The following MAGI3 variants were observed in gnomAD, a reference collection of about 807,000 sequenced individuals.
MAGI3 encodes membrane-associated guanylate kinase, WW and PDZ domain-containing protein 3.
MAGI3 carries 43 observed loss-of-function variants against 121.8 expected under a neutral mutation model. That is an observed-to-expected ratio of 0.35 (90% CI 0.28 to 0.46). The LOEUF (loss-of-function observed/expected upper bound fraction) is 0.46. Ranked by LOEUF, MAGI3 falls within the 20% of genes least tolerant of loss-of-function variation. MAGI3 has a pLI of 1.00. For missense variants in MAGI3, 1,547 were observed against 1,797.3 expected, an observed-to-expected ratio of 0.86 and a Z score of 2.52; for synonymous variants, 553 against 639.3, an observed-to-expected ratio of 0.86 and a Z score of 2.04.
intron 1 of MAGI3, among the ~76,000 whole-genome samples, chr1:113,444,614 C>A (rs1204126934): frequency 6.6e-6 from 1 of 152,116 alleles, no homozygotes; most frequent in Non-Finnish European, 1.5e-5. Context: ...AACAACAAAA[C>A]CCAGCAAACC....
At chr1:113,481,419 ACCAGAGTTACTACATT>A (rs1656107037) in intron 1 of MAGI3, among the ~76,000 whole-genome samples, 1 of 152,216 alleles carries the variant, frequency 6.6e-6, no homozygotes, top group Non-Finnish European at 1.5e-5. Flanking sequence ...GATGAATTTC[ACCAGAGTTACTACATT>A]CAATTATGTT....
chr1:113,562,646 G>A (rs1204709381), intron 2 of MAGI3, among the ~76,000 whole-genome samples: 5 of 151,432 alleles, frequency 3.3e-5, no homozygotes, highest in Non-Finnish European at 7.4e-5. Context: ...GAGAACACAT[G>A]GACACATGGT....
In MAGI3 at chr1:113,646,537, A is replaced by G. The variant is rs758434053; in HGVS notation, c.2050A>G (p.Ile684Val). Residue 684 changes from isoleucine (I) to valine (V), a missense_variant, in exon 12 of 21, where the codon ATT becomes GTT. Transcript: ENST00000307546. Reference sequence around the variant, plus strand: ...AAGTTTGGAGGCCATAAATGAGCCTATTCCTCAGCCTATGCCTTTTCCACC... The same window carrying G: ...AAGTTTGGAGGCCATAAATGAGCCTGTTCCTCAGCCTATGCCTTTTCCACC... ...AGSLEAINEP[I>V]PQPMPFPPSI... 2 of 1,613,424 alleles carry G rather than the reference A, an allele frequency of 1.2e-6. No homozygotes were observed. The highest frequency in any genetic ancestry group is 1.7e-5 in the Admixed American group (1 of 59,932).
chr1:113,608,926 A>G (rs533947584), intron 6 of MAGI3, among the ~76,000 whole-genome samples: 2 of 152,312 alleles, frequency 1.3e-5, no homozygotes, highest in East Asian at 1.9e-4. Context: ...TGGACAGTAC[A>G]TTTTATGATC....
chr1:113,447,749 G>T (rs1336521802), intron 1 of MAGI3, among the ~76,000 whole-genome samples: 1 of 152,006 alleles, frequency 6.6e-6, no homozygotes. Context: ...AGCTACTTGG[G>T]AGGCAGAGAC....
chr1:113,576,095 A>G (rs1663119887), intron 2 of MAGI3, among the ~76,000 whole-genome samples: 1 of 152,138 alleles, frequency 6.6e-6, no homozygotes, highest in Non-Finnish European at 1.5e-5. Flanking sequence ...GGCACTGAGA[A>G]TTTCAAGCCA....
chr1:113,511,250 G>T (rs1570777826), intron 1 of MAGI3, among the ~76,000 whole-genome samples: 1 of 152,156 alleles, frequency 6.6e-6, no homozygotes, highest in African/African-American at 2.4e-5. Context: ...TGGTAATTTA[G>T]TTGTGGGTAG....
chr1:113,520,914 T>C (rs1206808800), intron 1 of MAGI3, among the ~76,000 whole-genome samples: 2 of 151,962 alleles, frequency 1.3e-5, no homozygotes, highest in Non-Finnish European at 2.9e-5. Context: ...GTGTCCTGTT[T>C]TCTTCAACTC....
In MAGI3 at chr1:113,685,738, A is replaced by C. The variant is rs1648512468; in HGVS notation, c.*1724A>C. 6.6e-6 allele frequency: 1 copy of C among 152,292 alleles called. No individual in the cohort carries two copies. Among genetic ancestry groups the C allele is most frequent in the African/African-American group, 2.4e-5 (1 of 41,438 alleles). The allele number at this position is 152,292 out of a possible 1,614,324, so 9.4% of individuals were successfully genotyped here. On this transcript the variant is annotated 3_prime_UTR_variant, in exon 21 of 21. Coordinates refer to ENST00000307546, the MANE Select transcript of MAGI3 (RefSeq NM_001142782.2). ...ATGTTGTCCTATGTGGTTCTTCCTA[A>C]GTAAACTCTGTACTGATTATATACT...
chr1:113,575,342 T>A (rs937364748), intron 2 of MAGI3, among the ~76,000 whole-genome samples: 3 of 152,220 alleles, frequency 2.0e-5, no homozygotes, highest in African/African-American at 7.2e-5. Context: ...ACCTTTGATC[T>A]TTGATGCTGA....
chr1:113,573,053 G>C lies in MAGI3; in HGVS notation c.434-7489G>C, dbSNP rs182406429. Among the ~76,000 whole-genome samples, 8 of 151,830 alleles carry C rather than the reference G, an allele frequency of 5.3e-5. No homozygotes were observed. In the East Asian group the frequency reaches 1.5e-3, roughly 29 times the overall value. ...CCATTCTCCTGCCTCAGCCTCCCAAGTAGCTGGGACTACAGGTGCCCGCCA... is the reference window on the plus strand; with the variant it reads ...CCATTCTCCTGCCTCAGCCTCCCAACTAGCTGGGACTACAGGTGCCCGCCA... On this transcript the variant is annotated intron_variant, in intron 2 of 20. Coordinates refer to ENST00000307546, the MANE Select transcript of MAGI3 (RefSeq NM_001142782.2).
intron 1 of MAGI3, among the ~76,000 whole-genome samples, chr1:113,532,495 T>C (rs1658774986): frequency 6.6e-6 from 1 of 152,084 alleles, no homozygotes; most frequent in South Asian, 2.1e-4. Flanking sequence ...CCACTCATAA[T>C]CTTATCACTA....
Position 113,681,253 on chromosome 1 carries a change from C to A in MAGI3, c.3245C>A (p.Thr1082Asn), listed in dbSNP as rs1648197824. ...GAACCTACACAAGGAATCACACATA[C>A]TCGAGCAATTGAGCTCATTCAGGCT... ...NGEPTQGITH[T>N]RAIELIQAGG... Residue 1082 changes from threonine to asparagine, a missense_variant, in exon 20 of 21, where the codon ACT becomes AAT. Coordinates refer to ENST00000307546, the MANE Select transcript of MAGI3 (RefSeq NM_001142782.2). The A allele has an allele frequency of 6.2e-7, 1 of 1,614,002 alleles. No individual in the cohort carries two copies. Among genetic ancestry groups the A allele is most frequent in the Admixed American group, 1.7e-5 (1 of 59,990 alleles).
In MAGI3 at chr1:113,651,073, A is replaced by G; in HGVS notation, c.2307A>G (p.Ala769=). The change falls in exon 14 of 21, where the codon GCA becomes GCG. Residue 769 remains alanine, a synonymous_variant. Transcript: ENST00000307546. ...GAAEKDGRLR[A]ADELMCIDGI... ...CTGAGAAAGATGGTCGGCTCCGCGC[A>G]GCTGATGAACTAATGTGCATTGATG... 1 of 1,614,158 alleles carries G rather than the reference A, an allele frequency of 6.2e-7. No individual in the cohort carries two copies. The highest frequency in any genetic ancestry group is 1.1e-5 in the South Asian group (1 of 91,066).
intron 1 of MAGI3, among the ~76,000 whole-genome samples, chr1:113,411,879 A>G (rs918521898): frequency 4.6e-5 from 7 of 151,974 alleles, no homozygotes; most frequent in Non-Finnish European, 1.0e-4. Context: ...TTATTTATTT[A>G]TTTATTTTAT....
At chr1:113,548,507 A>G (rs2101666961) in intron 1 of MAGI3, among the ~76,000 whole-genome samples, 1 of 152,346 alleles carries the variant, frequency 6.6e-6, no homozygotes, top group East Asian at 1.9e-4. Context: ...ATCTAGTGAT[A>G]GGAAGAGGAC....
chr1:113,583,092 G>A lies in MAGI3; in HGVS notation c.554-2295G>A, dbSNP rs913933314. On this transcript the variant is annotated intron_variant, in intron 3 of 20. Coordinates refer to ENST00000307546, the MANE Select transcript of MAGI3 (RefSeq NM_001142782.2). ...ATTGTATACTGTATCTGAAAACTTG[G>A]TATTTACCAACATCTCAAGAAAAAA... Among the ~76,000 whole-genome samples the A allele has an allele frequency of 3.3e-5, 5 of 151,056 alleles. No homozygotes were observed. In the South Asian group the frequency reaches 1.0e-3, roughly 31 times the overall value.
chr1:113,442,872 T>C (rs565717910), intron 1 of MAGI3, among the ~76,000 whole-genome samples: 5 of 152,248 alleles, frequency 3.3e-5, no homozygotes, highest in Admixed American at 3.3e-4. Context: ...GATTGTTTAA[T>C]GATTTCTTCA....
chr1:113,533,306 C>T (rs1658813258), intron 1 of MAGI3, among the ~76,000 whole-genome samples: 1 of 152,144 alleles, frequency 6.6e-6, no homozygotes, highest in Non-Finnish European at 1.5e-5. Flanking sequence ...CAGCTGTAGG[C>T]CATTACATTA....
Sources: gnomAD v4.1 joint callset for allele counts (sites outside exome capture counted in the v4.1 genomes callset) on GRCh38, gnomAD v4.1.1 for gene constraint, MANE v1.5 for transcripts, NCBI Gene and HGNC (gene_info 2026-07-23, HGNC 2026-07-21) for gene names.